Variants in PKHD1 observed in about 807,000 individuals in gnomAD.
PKHD1 encodes the protein PKHD1 ciliary IPT domain containing fibrocystin/polyductin.
Under a neutral mutation model 412.0 loss-of-function variants are expected in PKHD1, and 291 were observed. That is an observed-to-expected ratio of 0.71 (90% confidence interval 0.64 to 0.78). The LOEUF is 0.78. Among genes scored for constraint, PKHD1 ranks in the 30% least tolerant of loss-of-function variants. The pLI is 0.00. For missense variants in PKHD1, 4,825 were observed against 4,950.7 expected, an observed-to-expected ratio of 0.97 and a Z score of 0.76; for synonymous variants, 1,777 against 1,821.5, an observed-to-expected ratio of 0.98 and a Z score of 0.62.
chr6:51,917,378 T>A (rs1025529577), intron 37 of PKHD1, among the ~76,000 whole-genome samples: 3 of 152,080 alleles, frequency 2.0e-5, no homozygotes, highest in Non-Finnish European at 1.5e-5. Flanking sequence ...TTAGATGCTG[T>A]CTTGTATGTG....
Position 52,054,018 on chromosome 6 carries a change from C to A in PKHD1, c.1964+20G>T. 1 of 1,613,574 alleles carries A rather than the reference C, an allele frequency of 6.2e-7. No individual in the cohort carries two copies. The highest frequency in any genetic ancestry group is 8.5e-7 in the Non-Finnish European group (1 of 1,179,628). On this transcript the variant is annotated intron_variant, in intron 20 of 66. Transcript: ENST00000371117. The stretch of plus-strand genomic sequence containing the variant: ...CCCAGCTGACTGAATTCCCACCACG[C>A]CTCCCCACCGATTAGCTACCTCTCG...
intron 60 of PKHD1, among the ~76,000 whole-genome samples, chr6:51,723,057 T>C (rs1782124814): frequency 6.6e-6 from 1 of 152,234 alleles, no homozygotes; most frequent in Non-Finnish European, 1.5e-5. Context: ...TAATTTTTTA[T>C]TGAAAGGCAT....
At chr6:51,677,482 T>C (rs1776030331) in intron 60 of PKHD1, among the ~76,000 whole-genome samples, 1 of 152,166 alleles carries the variant, frequency 6.6e-6, no homozygotes, top group Non-Finnish European at 1.5e-5. Context: ...TAAAATGGGC[T>C]GGTAGACTTC....
At chr6:51,896,137 C>T (rs931899408) in intron 43 of PKHD1, among the ~76,000 whole-genome samples, 4 of 152,278 alleles carry the variant, frequency 2.6e-5, no homozygotes, top group East Asian at 1.9e-4. Flanking sequence ...ACAAAGCAGC[C>T]CGGAAGCTCG....
chr6:51,947,870 A>G (rs765989525), intron 36 of PKHD1, among the ~76,000 whole-genome samples: 8 of 152,040 alleles, frequency 5.3e-5, no homozygotes, highest in Non-Finnish European at 1.0e-4. Flanking sequence ...GATGTCTCAT[A>G]GTTTCTTAAC....
chr6:51,903,857 A>T (rs904810254), intron 42 of PKHD1, 129 bp downstream of exon 42: 9 of 418,034 alleles, frequency 2.2e-5, no homozygotes, highest in Non-Finnish European at 3.6e-5. Flanking sequence ...ATATATATAT[A>T]TATTTAGAAA....
At chr6:52,028,051 C>T in intron 30 of PKHD1, 105 bp downstream of exon 30, 1 of 1,301,394 alleles carries the variant, frequency 7.7e-7, no homozygotes, top group Non-Finnish European at 1.1e-6. Flanking sequence ...TCTTTAACCT[C>T]TAACTTCCAA....
At chr6:51,814,650 C>A (rs1765174257) in intron 52 of PKHD1, among the ~76,000 whole-genome samples, 1 of 152,114 alleles carries the variant, frequency 6.6e-6, no homozygotes, top group Non-Finnish European at 1.5e-5. Context: ...GATTGGCAAG[C>A]CACACCAGGC....
At chr6:51,768,487 A>C (rs1789512279) in intron 55 of PKHD1, among the ~76,000 whole-genome samples, 1 of 152,006 alleles carries the variant, frequency 6.6e-6, no homozygotes, top group Non-Finnish European at 1.5e-5. Flanking sequence ...TTGAAATTTT[A>C]AATAAGCTTG....
chr6:51,848,222 C>T (rs963159485), intron 49 of PKHD1, among the ~76,000 whole-genome samples: 1 of 152,136 alleles, frequency 6.6e-6, no homozygotes, highest in Non-Finnish European at 1.5e-5. Context: ...AGGTTCATCT[C>T]GTTTAACAAT....
Position 51,942,699 on chromosome 6 carries a change from T to A in PKHD1, c.5909-8377A>T, listed in dbSNP as rs148530544. On this transcript the variant is annotated intron_variant, in intron 36 of 66. Coordinates refer to ENST00000371117, the MANE Select transcript of PKHD1 (RefSeq NM_138694.4). ...ACCCTGATCACACTTGGTTTATTGA[T>A]GGCAGTTCCACCAAGCCTAATTACC... 2.8e-3 allele frequency among the ~76,000 whole-genome samples: 421 copies of A among 151,748 alleles called. 4 individuals carry two copies. The highest frequency in any genetic ancestry group is 9.3e-3 in the African/African-American group (384 of 41,504).
chr6:52,048,893 C>G (rs1211342480), intron 22 of PKHD1, among the ~76,000 whole-genome samples: 1 of 152,178 alleles, frequency 6.6e-6, no homozygotes, highest in African/African-American at 2.4e-5. Flanking sequence ...AGATGTCTCA[C>G]CTCTTCATTT....
chr6:51,666,528 T>C (rs534083287), intron 60 of PKHD1, among the ~76,000 whole-genome samples: 2 of 151,742 alleles, frequency 1.3e-5, no homozygotes, highest in African/African-American at 4.9e-5. Flanking sequence ...TATTGGTATG[T>C]GCAAATGTTT....
chr6:51,861,355 G>A (rs999620966), intron 48 of PKHD1, among the ~76,000 whole-genome samples: 4 of 152,176 alleles, frequency 2.6e-5, no homozygotes, highest in African/African-American at 9.7e-5. Context: ...TTTCCTGAGG[G>A]TCCATATCTG....
intron 61 of PKHD1, among the ~76,000 whole-genome samples, chr6:51,649,484 A>G (rs1770596734): frequency 6.6e-6 from 1 of 152,192 alleles, no homozygotes; most frequent in Non-Finnish European, 1.5e-5. Context: ...ATCATTTATT[A>G]AAATCAGCCA....
At position 51,932,684 on chromosome 6, in the gene PKHD1, A is replaced by C. The variant is rs144977240; in HGVS notation, c.6121+1426T>G. 8.2e-3 allele frequency among the ~76,000 whole-genome samples: 1,243 copies of C among 152,330 alleles called. 15 individuals are homozygous for C. The highest frequency in any genetic ancestry group is 0.027 in the African/African-American group (1,132 of 41,566). ...TAGGAGGTAAAAAGGTCCCCTTGGA[A>C]GTTGATCATAGAATCAACATAGCAA... On this transcript the variant is annotated intron_variant, in intron 37 of 66. Transcript: ENST00000371117.
rs184699503 is a variant in PKHD1, at chr6:51,616,827, G to T, written c.*2254C>A. ...AAGAAGATAATAAAAATTGGAAGAA[G>T]GGTAAAGAAGGGGCAGAAATAACAG... On this transcript the variant is annotated 3_prime_UTR_variant, in exon 67 of 67. Coordinates refer to ENST00000371117, the MANE Select transcript of PKHD1 (RefSeq NM_138694.4). 1.5e-5 allele frequency: 6 copies of T among 394,654 alleles called. No individual in the cohort carries two copies. The highest frequency in any genetic ancestry group is 1.3e-4 in the South Asian group (1 of 7,460). 24.4% of individuals were successfully genotyped at this position (394,654 alleles called of 1,614,324 possible). A position where few individuals can be genotyped will look rare whatever the true frequency, so the allele number is the denominator to read the frequency against.
At chr6:51,760,555 G>A (rs1396241509) in intron 55 of PKHD1, among the ~76,000 whole-genome samples, 1 of 152,034 alleles carries the variant, frequency 6.6e-6, no homozygotes, top group Non-Finnish European at 1.5e-5. Flanking sequence ...TACAGTCAAG[G>A]AGGAGATGCA....
intron 60 of PKHD1, among the ~76,000 whole-genome samples, chr6:51,724,476 C>T (rs778558034): frequency 5.9e-5 from 9 of 152,134 alleles, no homozygotes; most frequent in Non-Finnish European, 1.2e-4. Flanking sequence ...AATTTGCATG[C>T]CGTTTGTCCT....
Sources: gnomAD v4.1 joint callset for allele counts (sites outside exome capture counted in the v4.1 genomes callset) on GRCh38, gnomAD v4.1.1 for gene constraint, MANE v1.5 for transcripts, NCBI Gene and HGNC (gene_info 2026-07-23, HGNC 2026-07-21) for gene names.